The following SRR variants were observed in gnomAD, a reference collection of about 807,000 sequenced individuals.
The protein encoded by SRR is serine racemase.
Under a neutral mutation model 32.7 loss-of-function variants are expected in SRR, and 19 were observed. The observed-to-expected ratio is 0.58, with a 90% CI of 0.40 to 0.85. SRR has a LOEUF of 0.85. SRR is among the 40% of genes least tolerant of loss of function. SRR has a pLI of 0.00. For synonymous variants in SRR, 142 were observed against 140.9 expected (o/e 1.01, Z -0.06); for missense variants, 373 against 404.7 (o/e 0.92, Z 0.67).
At chr17:2,318,953 C>A in intron 4 of SRR, 24 bp downstream of exon 4, 1 of 1,505,960 alleles carries the variant, frequency 6.6e-7, no homozygotes. Flanking sequence ...TGCTTGGTAC[C>A]ACCTTAACAG....
chr17:2,307,062 C>T (rs1401432530), intron 1 of SRR: 3 of 1,181,260 alleles, frequency 2.5e-6, no homozygotes, highest in Non-Finnish European at 2.5e-6. Context: ...CAGATGCCCA[C>T]TTAACTATGG....
intron 1 of SRR, among the ~76,000 whole-genome samples, chr17:2,310,589 T>G (rs1283138261): frequency 6.6e-6 from 1 of 152,132 alleles, no homozygotes. Context: ...GGTTGTTGTT[T>G]TTTTTTTGAG....
intron 1 of SRR, chr17:2,307,372 G>C: frequency 9.3e-7 from 1 of 1,073,570 alleles, no homozygotes; most frequent in Non-Finnish European, 1.4e-6. Flanking sequence ...CTTTGGTGGT[G>C]GTCGTGGAGG....
At chr17:2,305,564 G>A (rs1342340952) in intron 1 of SRR, among the ~76,000 whole-genome samples, 1 of 152,148 alleles carries the variant, frequency 6.6e-6, no homozygotes, top group East Asian at 1.9e-4. Context: ...TCAAATAGTA[G>A]AAGAAAATTT....
chr17:2,304,943 C>T (rs774068088), intron 1 of SRR, among the ~76,000 whole-genome samples: 7 of 152,260 alleles, frequency 4.6e-5, no homozygotes, highest in Non-Finnish European at 1.0e-4. Context: ...TTCCCCAAGG[C>T]CTCCTGCCTC....
Position 2,318,876 on chromosome 17 carries a change from C to T in SRR, c.346C>T (p.Leu116Phe), listed in dbSNP as rs2075501306. Residue 116 changes from leucine to phenylalanine, a missense_variant, in exon 4 of 8, where the codon CTT becomes TTT. Transcript: ENST00000344595. ...VPQTAPDCKK[L>F]AIQAYGASIV... The stretch of plus-strand genomic sequence containing the variant: ...CCAGACAGCTCCAGACTGTAAAAAA[C>T]TTGCAATACAAGCCTACGGAGCGTC... The T allele has an allele frequency of 3.7e-6, 6 of 1,613,822 alleles. No homozygotes were observed. The highest frequency in any genetic ancestry group is 5.1e-6 in the Non-Finnish European group (6 of 1,179,942).
At position 2,323,548 on chromosome 17, in the gene SRR, C is replaced by T. The variant is rs1597271987; in HGVS notation, c.805-107C>T. The stretch of plus-strand genomic sequence containing the variant: ...AGAAAAGCTTTGGGAAGCGTGTGTA[C>T]ACAGTGATAAGAAAATTCAAACTGG... On this transcript the variant is annotated intron_variant, in intron 7 of 7. Transcript: ENST00000344595. 8.6e-6 allele frequency: 11 copies of T among 1,283,338 alleles called. No homozygotes were observed. The South Asian group carries it at 1.4e-4, about 17-fold the overall frequency. The allele number at this position is 1,283,338 out of a possible 1,614,324, so 79.5% of individuals were successfully genotyped here. A position where few individuals can be genotyped will look rare whatever the true frequency, so the allele number is the denominator to read the frequency against.
Position 2,303,950 on chromosome 17 carries a change from G to C in SRR, c.-72G>C, listed in dbSNP as rs978027697. On this transcript the variant is annotated 5_prime_UTR_variant, in exon 1 of 8. Coordinates refer to ENST00000344595, the MANE Select transcript of SRR (RefSeq NM_021947.3). ...TGGGTGGGGCGGGCGGGCGCTGCGC[G>C]TGCGCAGAGGTGCGGCCGGGGAGGC... 2.0e-5 allele frequency: 8 copies of C among 403,472 alleles called. No homozygotes were observed. The highest frequency in any genetic ancestry group is 3.5e-5 in the Non-Finnish European group (8 of 228,164). The allele number at this position is 403,472 out of a possible 1,614,324, so 25.0% of individuals were successfully genotyped here.
At position 2,324,150 on chromosome 17, in the gene SRR, C is replaced by A; in HGVS notation, c.*277C>A. ...CAATCACAACTTGTGCCTCCCATCC[C>A]TGGAGTACTGACTGGCACCGGTAAG... On this transcript the variant is annotated 3_prime_UTR_variant, in exon 8 of 8. Transcript: ENST00000344595. 6.6e-7 allele frequency: 1 copy of A among 1,511,322 alleles called. No individual in the cohort carries two copies. Among genetic ancestry groups the A allele is most frequent in the South Asian group, 1.4e-5 (1 of 71,636 alleles). The allele number at this position is 1,511,322 out of a possible 1,614,324, so 93.6% of individuals were successfully genotyped here.
chr17:2,312,036 T>C (rs1281962116), intron 1 of SRR, among the ~76,000 whole-genome samples: 1 of 151,852 alleles, frequency 6.6e-6, no homozygotes, highest in Non-Finnish European at 1.5e-5. Context: ...ACAGCAAGAC[T>C]TCCTCTCTAC....
At chr17:2,305,324 T>C (rs893572210) in intron 1 of SRR, among the ~76,000 whole-genome samples, 1 of 152,216 alleles carries the variant, frequency 6.6e-6, no homozygotes, top group Non-Finnish European at 1.5e-5. Context: ...AAGAAAACTT[T>C]CTTAGGACAA....
At chr17:2,316,383 C>CT (rs1172044676) in intron 2 of SRR, among the ~76,000 whole-genome samples, 1 of 152,162 alleles carries the variant, frequency 6.6e-6, no homozygotes, top group African/African-American at 2.4e-5. Context: ...ATTATCCAAA[C>CT]TAGGACATGT....
intron 4 of SRR, among the ~76,000 whole-genome samples, chr17:2,320,028 C>G (rs2075512443): frequency 6.6e-6 from 1 of 150,668 alleles, no homozygotes; most frequent in Admixed American, 6.6e-5. Context: ...CTGTGTTAGC[C>G]AGGATGGTCT....
intron 1 of SRR, among the ~76,000 whole-genome samples, chr17:2,304,948 T>C (rs2075373515): frequency 6.6e-6 from 1 of 152,194 alleles, no homozygotes; most frequent in South Asian, 2.1e-4. Flanking sequence ...CAAGGCCTCC[T>C]GCCTCCACCT....
At chr17:2,317,640 G>A (rs115134630) in intron 2 of SRR, among the ~76,000 whole-genome samples, 7,137 of 152,114 alleles carry the variant, frequency 0.047, 520 homozygotes, top group African/African-American at 0.16. Context: ...GTGGGGAGGC[G>A]GACGTTGCAG....
At chr17:2,303,651 G>T, upstream of SRR, 1 of 1,489,332 alleles carries the variant, frequency 6.7e-7, no homozygotes, top group Non-Finnish European at 8.9e-7. Flanking sequence ...CCGGCCTGCG[G>T]GGCCAGAGTA....
At chr17:2,303,683 G>A (rs1226943815), upstream of SRR, 22 of 1,496,342 alleles carry the variant, frequency 1.5e-5, no homozygotes, top group Non-Finnish European at 1.4e-5. Flanking sequence ...GCGCAGCTCC[G>A]ACGCGGAGAT....
At chr17:2,304,239 A>G (rs1431154117) in intron 1 of SRR, among the ~76,000 whole-genome samples, 3 of 150,558 alleles carry the variant, frequency 2.0e-5, no homozygotes, top group African/African-American at 4.9e-5. Flanking sequence ...TGCTAAGAGT[A>G]GTTGTTACTA....
intron 1 of SRR, chr17:2,310,065 T>C (rs1452658089): frequency 6.6e-6 from 1 of 152,188 alleles, no homozygotes; most frequent in African/African-American, 2.4e-5. Flanking sequence ...TTCCTCCCCT[T>C]ACCATGGTTT....
Sources: allele counts gnomAD v4.1 joint callset (sites outside exome capture counted in the v4.1 genomes callset), GRCh38; gene constraint gnomAD v4.1.1; transcripts MANE v1.5; gene names NCBI Gene and HGNC (gene_info 2026-07-23, HGNC 2026-07-21).